Variants in NIM1K observed in about 807,000 individuals in gnomAD.
NIM1K encodes the protein NIM1 serine/threonine protein kinase, also known as serine/threonine-protein kinase NIM1.
In NIM1K, 35 loss-of-function variants were observed where a neutral mutation model predicts 37.1. The observed-to-expected ratio is 0.94, with a 90% confidence interval of 0.72 to 1.25. The LOEUF (loss-of-function observed/expected upper bound fraction) is 1.25, where lower values mean the gene tolerates loss of function less well. Ranked by LOEUF, NIM1K falls within the 50% of genes most tolerant of loss-of-function variation. NIM1K has a pLI of 0.00. For synonymous variants in NIM1K, 234 were observed against 206.6 expected, an observed-to-expected ratio of 1.13 and a Z score of -1.14; for missense variants, 564 against 548.0, an observed-to-expected ratio of 1.03 and a Z score of -0.29.
At chr5:43,200,578 G>A (rs1483309805) in intron 1 of NIM1K, among the ~76,000 whole-genome samples, 1 of 152,180 alleles carries the variant, frequency 6.6e-6, no homozygotes, top group African/African-American at 2.4e-5. Flanking sequence ...GAGATTACAG[G>A]CGTGAGCCAC....
At chr5:43,275,740 A>G (rs1415967344) in intron 2 of NIM1K, among the ~76,000 whole-genome samples, 2 of 152,146 alleles carry the variant, frequency 1.3e-5, no homozygotes, top group Non-Finnish European at 2.9e-5. Flanking sequence ...CTCCAAGTGC[A>G]CAGAATCTGA....
chr5:43,215,853 CT>C (rs1752292312), intron 1 of NIM1K, among the ~76,000 whole-genome samples: 1 of 152,200 alleles, frequency 6.6e-6, no homozygotes, highest in Admixed American at 6.5e-5. Flanking sequence ...ACTACGCTCC[CT>C]TCAGTAATCC....
intron 2 of NIM1K, among the ~76,000 whole-genome samples, chr5:43,250,292 C>G (rs1031131028): frequency 1.3e-5 from 2 of 152,032 alleles, no homozygotes; most frequent in Admixed American, 6.6e-5. Context: ...TATCTATACT[C>G]TCATCTTTTA....
chr5:43,248,339 T>C (rs1752814643), intron 2 of NIM1K, among the ~76,000 whole-genome samples: 1 of 152,222 alleles, frequency 6.6e-6, no homozygotes, highest in East Asian at 1.9e-4. Flanking sequence ...GGATTGTTTT[T>C]CTTACAATGA....
intron 1 of NIM1K, among the ~76,000 whole-genome samples, chr5:43,239,504 T>C (rs1358417177): frequency 3.3e-5 from 5 of 151,102 alleles, no homozygotes; most frequent in Non-Finnish European, 7.4e-5. Context: ...TCCCAAAGTG[T>C]TGGGATTATA....
At chr5:43,266,551 C>A (rs912470110) in intron 2 of NIM1K, among the ~76,000 whole-genome samples, 2 of 152,234 alleles carry the variant, frequency 1.3e-5, no homozygotes, top group African/African-American at 4.8e-5. Flanking sequence ...AGGGGATTCC[C>A]TGACCCCTTG....
chr5:43,199,185 T>A (rs1325947389), intron 1 of NIM1K, among the ~76,000 whole-genome samples: 1 of 25,614 alleles, frequency 3.9e-5, no homozygotes, highest in Non-Finnish European at 6.8e-5. Context: ...TGAAGCTCTG[T>A]CTCCAAAAAA....
intron 1 of NIM1K, among the ~76,000 whole-genome samples, chr5:43,213,310 CTTTTCT>C (rs1358148947): frequency 9.5e-6 from 1 of 105,448 alleles, no homozygotes; most frequent in Non-Finnish European, 2.1e-5. Context: ...CTTTTCTTTT[CTTTTCT>C]TTTCTTTTCT....
intron 2 of NIM1K, among the ~76,000 whole-genome samples, chr5:43,254,718 T>C (rs971355329): frequency 6.6e-6 from 1 of 152,176 alleles, no homozygotes; most frequent in African/African-American, 2.4e-5. Context: ...TTCATAAAGA[T>C]AGCCCAATGG....
chr5:43,253,814 C>T (rs541069843), intron 2 of NIM1K, among the ~76,000 whole-genome samples: 1 of 152,054 alleles, frequency 6.6e-6, no homozygotes, highest in Non-Finnish European at 1.5e-5. Context: ...CACACGCCAC[C>T]ATGCTCGGCA....
chr5:43,219,105 C>T (rs181553378), intron 1 of NIM1K, among the ~76,000 whole-genome samples: 31 of 152,214 alleles, frequency 2.0e-4, no homozygotes, highest in East Asian at 9.6e-4. Flanking sequence ...AGGACATGTT[C>T]GCTTCCCCTT....
Position 43,246,005 on chromosome 5 carries a change from G to A in NIM1K, c.230G>A (p.Arg77Gln), listed in dbSNP as rs760522640. The A allele has an allele frequency of 1.9e-6, 3 of 1,613,916 alleles. No individual in the cohort carries two copies. Among genetic ancestry groups the A allele is most frequent in the Admixed American group, 1.7e-5 (1 of 60,004 alleles). ...AAACGGATAGGCTTCTACCGAATTC[G>A]AGGGGAAATCGGAAGTGGAAACTTC... The part of the protein sequence containing the change: ...LGKRIGFYRI[R>Q]GEIGSGNFSQ... The change falls in exon 2 of 4, where the codon CGA becomes CAA. Residue 77 changes from arginine to glutamine, a missense_variant. Coordinates refer to ENST00000326035, the MANE Select transcript of NIM1K (RefSeq NM_153361.4).
chr5:43,207,313 C>T, intron 1 of NIM1K: 1 of 765,262 alleles, frequency 1.3e-6, no homozygotes, highest in Admixed American at 1.7e-5. Flanking sequence ...GTGAAATAGT[C>T]AAACTAAAAC....
chr5:43,200,502 G>A (rs1752001897), intron 1 of NIM1K, among the ~76,000 whole-genome samples: 1 of 151,312 alleles, frequency 6.6e-6, no homozygotes, highest in African/African-American at 2.4e-5. Flanking sequence ...GGGTTTCCCC[G>A]TGTTAGCCAG....
chr5:43,268,280 A>G (rs1001036153), intron 2 of NIM1K, among the ~76,000 whole-genome samples: 1 of 152,216 alleles, frequency 6.6e-6, no homozygotes, highest in Admixed American at 6.5e-5. Context: ...AAAGTGTTTA[A>G]TTGATGCAAG....
In NIM1K at chr5:43,268,868, G is replaced by C. The variant is rs1053807755; in HGVS notation, c.293-8189G>C. ...GGCAGCTTGAAGGCTAAAGGCAAGA[G>C]GGAGGTTGGCTAGATCAGATGTCCC... is the stretch of plus-strand genomic sequence containing the variant. On this transcript the variant is annotated intron_variant, in intron 2 of 3. Coordinates refer to ENST00000326035, the MANE Select transcript of NIM1K (RefSeq NM_153361.4). Among the ~76,000 whole-genome samples the C allele has an allele frequency of 2.0e-5, 3 of 152,212 alleles. 1 individual carries two copies. Among genetic ancestry groups the C allele is most frequent in the Admixed American group, 2.0e-4 (3 of 15,284 alleles).
chr5:43,231,131 G>A (rs1237860430), intron 1 of NIM1K, among the ~76,000 whole-genome samples: 2 of 152,132 alleles, frequency 1.3e-5, no homozygotes, highest in Admixed American at 6.5e-5. Flanking sequence ...CAGCCTGGGC[G>A]ACATAGTGAG....
intron 1 of NIM1K, among the ~76,000 whole-genome samples, chr5:43,231,655 G>T (rs1361450733): frequency 6.6e-6 from 1 of 151,898 alleles, no homozygotes; most frequent in African/African-American, 2.4e-5. Context: ...GGACAGTCTG[G>T]GTCTGCAAAA....
chr5:43,229,388 A>AG (rs1437323241), intron 1 of NIM1K, among the ~76,000 whole-genome samples: 5 of 150,956 alleles, frequency 3.3e-5, no homozygotes, highest in African/African-American at 1.2e-4. Context: ...CCATCTCAAA[A>AG]AAAAAAAAAA....
Sources: allele counts gnomAD v4.1 joint callset (sites outside exome capture counted in the v4.1 genomes callset), GRCh38; gene constraint gnomAD v4.1.1; transcripts MANE v1.5; gene names NCBI Gene and HGNC (gene_info 2026-07-23, HGNC 2026-07-21).